DDX60L: variants seen among roughly 807,000 people sequenced by gnomAD.
DDX60L encodes the protein DExD/H-box 60 like, also known as probable ATP-dependent RNA helicase DDX60-like.
In DDX60L, 191 loss-of-function variants were observed where a neutral mutation model predicts 211.6. The observed-to-expected ratio is 0.90, with a 90% CI of 0.80 to 1.02. The LOEUF is 1.02. DDX60L is among the 50% of genes least tolerant of loss of function. DDX60L has a pLI of 0.00. For missense variants in DDX60L, 2,007 were observed against 1,984.1 expected (o/e 1.01, Z -0.22); for synonymous variants, 706 against 694.1 (o/e 1.02, Z -0.27).
At chr4:168,370,948 GAA>G (rs1740895198) in intron 36 of DDX60L, among the ~76,000 whole-genome samples, 1 of 151,688 alleles carries the variant, frequency 6.6e-6, no homozygotes, top group Admixed American at 6.6e-5. Context: ...CCATGTCAAA[GAA>G]CTAGAACAAG....
At chr4:168,370,703 G>A (rs78465306) in intron 36 of DDX60L, among the ~76,000 whole-genome samples, 1,540 of 152,176 alleles carry the variant, frequency 0.01, 28 homozygotes, top group African/African-American at 0.034. Flanking sequence ...CTATATATAT[G>A]TGCAGTTACA....
intron 5 of DDX60L, among the ~76,000 whole-genome samples, 197 bp downstream of exon 5, chr4:168,461,502 A>G (rs923960759): frequency 2.0e-5 from 3 of 152,214 alleles, no homozygotes; most frequent in Non-Finnish European, 4.4e-5. Context: ...GAGAATTAAG[A>G]GAAATTTAGA....
intron 14 of DDX60L, among the ~76,000 whole-genome samples, chr4:168,425,905 G>A (rs1751381482): frequency 6.6e-6 from 1 of 152,186 alleles, no homozygotes; most frequent in Non-Finnish European, 1.5e-5. Context: ...CGTAATACCT[G>A]GAAATAGTAT....
intron 22 of DDX60L, among the ~76,000 whole-genome samples, chr4:168,414,135 T>C (rs62334125): frequency 0.15 from 22,121 of 151,966 alleles, 1,724 homozygotes; most frequent in Admixed American, 0.16. Flanking sequence ...CCAGTGAAAA[T>C]ATCCTTCAGA....
At chr4:168,420,427 C>T (rs776754500) in intron 17 of DDX60L, 47 bp from the exon 18 acceptor site, 14 of 1,551,486 alleles carry the variant, frequency 9.0e-6, no homozygotes, top group African/African-American at 2.8e-5. Context: ...AGAGAAGAGA[C>T]ATATAAAACC....
intron 4 of DDX60L, chr4:168,469,457 A>G (rs182870827): frequency 1.1e-4 from 16 of 152,342 alleles, no homozygotes; most frequent in Non-Finnish European, 2.2e-4. Context: ...TAAATATAGG[A>G]AAATATCTTT....
Position 168,438,682 on chromosome 4 carries a change from A to G in DDX60L, c.1294+2655T>C, listed in dbSNP as rs531772013. 3.3e-5 allele frequency among the ~76,000 whole-genome samples: 5 copies of G among 152,284 alleles called. No individual in the cohort carries two copies. In the South Asian group the frequency reaches 1.0e-3, roughly 32 times the overall value. ...AGCCACCAGCTTGTGGTGCTTTGTG[A>G]CAGCAACCCTGGAAAAGGAGGACCT... is the stretch of plus-strand genomic sequence containing the variant. On this transcript the variant is annotated intron_variant, in intron 10 of 37. Transcript: ENST00000682922.
rs1310845794 is a variant in DDX60L, at chr4:168,395,299, A to G, written c.3657+660T>C. Among the ~76,000 whole-genome samples the G allele has an allele frequency of 4.6e-5, 7 of 152,194 alleles. 1 individual carries two copies. The highest frequency in any genetic ancestry group is 3.9e-4 in the Admixed American group (6 of 15,274). Reference sequence around the variant, plus strand: ...TATTGTTGTTGGCAAGAAATAAATAAGTAAGGGAGGAAAGGAGATTACAGA... The same window carrying G: ...TATTGTTGTTGGCAAGAAATAAATAGGTAAGGGAGGAAAGGAGATTACAGA... On this transcript the variant is annotated intron_variant, in intron 27 of 37. Coordinates refer to ENST00000682922, the MANE Select transcript of DDX60L (RefSeq NM_001012967.3).
chr4:168,401,965 A>G (rs1015288559), intron 25 of DDX60L, among the ~76,000 whole-genome samples: 6 of 152,156 alleles, frequency 3.9e-5, no homozygotes, highest in African/African-American at 1.4e-4. Context: ...AACTAATTTA[A>G]TCTCTACCAT....
At chr4:168,369,147 C>T (rs1740504722) in intron 36 of DDX60L, among the ~76,000 whole-genome samples, 1 of 152,118 alleles carries the variant, frequency 6.6e-6, no homozygotes, top group Non-Finnish European at 1.5e-5. Context: ...TGTCCCCACC[C>T]AAATCTTATC....
chr4:168,457,540 G>T (rs1579788184), intron 6 of DDX60L, among the ~76,000 whole-genome samples: 1 of 151,822 alleles, frequency 6.6e-6, no homozygotes, highest in South Asian at 2.1e-4. Flanking sequence ...TAGACTTAAG[G>T]TATAATTAAT....
chr4:168,474,553 A>T (rs1759231609), intron 1 of DDX60L, among the ~76,000 whole-genome samples: 1 of 152,182 alleles, frequency 6.6e-6, no homozygotes, highest in Non-Finnish European at 1.5e-5. Flanking sequence ...GAATCTATGA[A>T]ATAGGAGCTT....
At chr4:168,388,459 G>A (rs894549700) in intron 29 of DDX60L, among the ~76,000 whole-genome samples, 1 of 152,102 alleles carries the variant, frequency 6.6e-6, no homozygotes, top group East Asian at 1.9e-4. Flanking sequence ...GGATGCAAAG[G>A]GCCCTACTAA....
In DDX60L at chr4:168,423,764, C is replaced by T. The variant is rs185021837; in HGVS notation, c.1941G>A (p.Ser647=). ...TTTGAACAGCTATACTTAAATCTTT[C>T]GAAATTTTGCCTTGTTAAAGAAACA... ...KKHCRGEGKI[S]KDLSIAVQMM... The change falls in exon 15 of 38, where the codon TCG becomes TCA. Residue 647 remains serine (S), a synonymous_variant. Transcript: ENST00000682922. The T allele has an allele frequency of 2.9e-5, 46 of 1,567,412 alleles. 2 individuals carry two copies. Among genetic ancestry groups the T allele is most frequent in the East Asian group, 2.3e-4 (10 of 43,318 alleles).
intron 4 of DDX60L, among the ~76,000 whole-genome samples, chr4:168,465,626 G>T (rs954972031): frequency 7.9e-5 from 12 of 151,772 alleles, no homozygotes; most frequent in African/African-American, 2.4e-4. Context: ...TCATAGTTTT[G>T]GGTCCTACAT....
intron 1 of DDX60L, among the ~76,000 whole-genome samples, chr4:168,475,427 A>G (rs1226863845): frequency 6.6e-6 from 1 of 152,184 alleles, no homozygotes; most frequent in Non-Finnish European, 1.5e-5. Flanking sequence ...TCTGATCACA[A>G]AACTTGACTC....
At chr4:168,410,676 GA>G (rs1343515066) in intron 22 of DDX60L, among the ~76,000 whole-genome samples, 2 of 152,160 alleles carry the variant, frequency 1.3e-5, no homozygotes, top group Non-Finnish European at 2.9e-5. Context: ...AAAGAGGAGA[GA>G]ATAGCAGGAG....
In DDX60L at chr4:168,427,237, T is replaced by A. The variant is rs754130831; in HGVS notation, c.1763A>T (p.Asp588Val). ...CTCCTCTTCAATAGAAAACAGCAGATCATCGTTTTGCTGAGCTTTGTTCTG... is the reference window on the plus strand; with the variant it reads ...CTCCTCTTCAATAGAAAACAGCAGAACATCGTTTTGCTGAGCTTTGTTCTG... ...EDQNKAQQND[D>V]LLFSIEEEMK... is the part of the protein sequence containing the mutation. The change falls in exon 14 of 38, where the codon GAT (aspartate) becomes GTT (valine). Residue 588 changes from aspartate (D) to valine (V), a missense_variant. Asp to Val is a radical substitution (Grantham distance 152). Transcript: ENST00000682922. The A allele has an allele frequency of 1.7e-5, 27 of 1,613,828 alleles. No homozygotes were observed. The highest frequency in any genetic ancestry group is 2.3e-5 in the Non-Finnish European group (27 of 1,179,808).
Position 168,415,769 on chromosome 4 carries a change from T to C in DDX60L, c.2757A>G (p.Lys919=), listed in dbSNP as rs765783868. 1.4e-5 allele frequency: 22 copies of C among 1,578,566 alleles called. No homozygotes were observed. In the East Asian group the frequency reaches 4.6e-4, roughly 33 times the overall value. The change falls in exon 21 of 38, where the codon AAA becomes AAG. Residue 919 remains lysine, a synonymous_variant. Coordinates refer to ENST00000682922, the MANE Select transcript of DDX60L (RefSeq NM_001012967.3). ...KWLQSVKQYW[K]QADKIMEEKC... ...TCTCTTCCATAATCTTGTCTGCCTGTTTCCAGTACTGTTTTACTGATTGCA... is the reference window on the plus strand; with the variant it reads ...TCTCTTCCATAATCTTGTCTGCCTGCTTCCAGTACTGTTTTACTGATTGCA...
Sources: allele counts gnomAD v4.1 joint callset (sites outside exome capture counted in the v4.1 genomes callset), GRCh38; gene constraint gnomAD v4.1.1; transcripts MANE v1.5; gene names NCBI Gene and HGNC (gene_info 2026-07-23, HGNC 2026-07-21).